The following RIMS1 variants were observed in gnomAD, a reference collection of about 807,000 sequenced individuals.
RIMS1 encodes regulating synaptic membrane exocytosis protein 1.
In RIMS1, 83 loss-of-function variants were observed where a neutral mutation model predicts 214.1. The ratio of observed to expected loss-of-function variants is 0.39; its 90% CI spans 0.32 to 0.47. RIMS1 has a LOEUF of 0.47. Among genes scored for constraint, RIMS1 ranks in the 20% least tolerant of loss-of-function variants. The pLI, the probability that RIMS1 is intolerant of heterozygous loss-of-function variation, is 0.99. For synonymous variants in RIMS1, 793 were observed against 786.8 expected, an observed-to-expected ratio of 1.01 and a Z score of -0.13; for missense variants, 2,050 against 2,161.8, an observed-to-expected ratio of 0.95 and a Z score of 1.03.
At chr6:71,954,615 A>G (rs980929275) in intron 1 of RIMS1, among the ~76,000 whole-genome samples, 4 of 152,060 alleles carry the variant, frequency 2.6e-5, no homozygotes, top group Non-Finnish European at 5.9e-5. Flanking sequence ...AGCACATTAA[A>G]TTATATTCTA....
intron 1 of RIMS1, among the ~76,000 whole-genome samples, chr6:71,964,094 C>A (rs912069432): frequency 6.6e-6 from 1 of 152,044 alleles, no homozygotes; most frequent in African/African-American, 2.4e-5. Flanking sequence ...GTGAGGGGAG[C>A]AGATTGTAGT....
chr6:72,045,573 C>T (rs985682543), intron 2 of RIMS1, among the ~76,000 whole-genome samples: 1 of 151,888 alleles, frequency 6.6e-6, no homozygotes, highest in African/African-American at 2.4e-5. Context: ...ATAAATTAAA[C>T]AAGTTTAATG....
At position 72,006,110 on chromosome 6, in the gene RIMS1, A is replaced by T. The variant is rs114787955; in HGVS notation, c.245+37047A>T. Among the ~76,000 whole-genome samples the T allele has an allele frequency of 3.8e-3, 582 of 152,224 alleles. 5 individuals carry two copies. The highest frequency in any genetic ancestry group is 0.013 in the African/African-American group (554 of 41,542). ...TGCTCTCAAGTGGTGGAGAGCAGAG[A>T]GCGGAAGCAAACTCTCATGTCCATT... On this transcript the variant is annotated intron_variant, in intron 2 of 33. Transcript: ENST00000521978.
Position 72,131,194 on chromosome 6 carries a change from G to A in RIMS1, c.471+31208G>A, listed in dbSNP as rs185440558. On this transcript the variant is annotated intron_variant, in intron 4 of 33. Coordinates refer to ENST00000521978, the MANE Select transcript of RIMS1 (RefSeq NM_014989.7). ...TCATTCTTCAACATTAAGAGAGTTAGAACTCTCCTATACTGAGCATAGTGG... is the reference window on the plus strand; with the variant it reads ...TCATTCTTCAACATTAAGAGAGTTAAAACTCTCCTATACTGAGCATAGTGG... Among the ~76,000 whole-genome samples, 56 of 152,240 alleles carry A rather than the reference G, an allele frequency of 3.7e-4. No individual in the cohort carries two copies. In the East Asian group the frequency reaches 8.3e-3, roughly 23 times the overall value.
chr6:72,311,217 A>G (rs1008047327), intron 27 of RIMS1, among the ~76,000 whole-genome samples: 3 of 152,218 alleles, frequency 2.0e-5, no homozygotes, highest in African/African-American at 7.2e-5. Flanking sequence ...ATACATTTGG[A>G]GACAATAATT....
At chr6:72,095,348 C>T (rs1236533143) in intron 2 of RIMS1, among the ~76,000 whole-genome samples, 4 of 152,116 alleles carry the variant, frequency 2.6e-5, no homozygotes, top group Non-Finnish European at 5.9e-5. Context: ...CAAGTGCCCA[C>T]AGTTGTTTTC....
At chr6:72,330,339 T>G (rs2096616990) in intron 28 of RIMS1, among the ~76,000 whole-genome samples, 2 of 151,532 alleles carry the variant, frequency 1.3e-5, no homozygotes, top group Admixed American at 1.3e-4. Flanking sequence ...GATATATAAA[T>G]AACTACTTGA....
intron 30 of RIMS1, 106 bp downstream of exon 30, chr6:72,390,842 C>A: frequency 7.2e-7 from 1 of 1,386,102 alleles, no homozygotes. Context: ...TCTATTTAAT[C>A]AGAAGTTCAA....
At chr6:72,162,077 TG>T (rs2045515607) in intron 4 of RIMS1, among the ~76,000 whole-genome samples, 1 of 140,848 alleles carries the variant, frequency 7.1e-6, no homozygotes, top group Non-Finnish European at 1.6e-5. Context: ...GCTCCTGTAT[TG>T]GGTGCACATA....
chr6:72,011,767 A>G (rs1810710326), intron 2 of RIMS1, among the ~76,000 whole-genome samples: 1 of 152,254 alleles, frequency 6.6e-6, no homozygotes, highest in South Asian at 2.1e-4. Flanking sequence ...ATGCAAATCA[A>G]AACCACAATG....
chr6:71,909,628 C>T lies in RIMS1; in HGVS notation c.164+22441C>T, dbSNP rs191276639. ...TGGCGCTGGCTTGCATTAGAAAATA[C>T]AGAGGTATACTAAAATTAACAATAA... On this transcript the variant is annotated intron_variant, in intron 1 of 33. Transcript: ENST00000521978. 2.5e-3 allele frequency among the ~76,000 whole-genome samples: 387 copies of T among 152,172 alleles called. 2 individuals carry two copies. Among genetic ancestry groups the T allele is most frequent in the African/African-American group, 8.5e-3 (355 of 41,530 alleles).
At chr6:72,316,934 T>C in intron 28 of RIMS1, 3 of 685,170 alleles carry the variant, frequency 4.4e-6, no homozygotes, top group Admixed American at 4.0e-5. Context: ...TGTCCTGCAG[T>C]AGAGTGGAGA....
intron 4 of RIMS1, among the ~76,000 whole-genome samples, chr6:72,115,470 T>C (rs2036897542): frequency 6.6e-6 from 1 of 151,974 alleles, no homozygotes; most frequent in Non-Finnish European, 1.5e-5. Context: ...GGTTTGTCAA[T>C]GCTCTGTAAG....
rs542389800 is a variant in RIMS1, at chr6:72,160,882, A to T, written c.472-18693A>T. Among the ~76,000 whole-genome samples, 18 of 140,138 alleles carry T rather than the reference A, an allele frequency of 1.3e-4. 1 individual carries two copies. Among genetic ancestry groups the T allele is most frequent in the African/African-American group, 4.4e-4 (18 of 40,622 alleles). The allele number at this position is 140,138 out of a possible 152,430, so 91.9% of individuals were successfully genotyped here. On this transcript the variant is annotated intron_variant, in intron 4 of 33. Coordinates refer to ENST00000521978, the MANE Select transcript of RIMS1 (RefSeq NM_014989.7). ...GTCTCTGCCAGGCTTTGGTATCAGG[A>T]TGATGCTGGCCTCATAAAATGAGTT...
At chr6:72,342,627 GT>G (rs1463919097) in intron 29 of RIMS1, among the ~76,000 whole-genome samples, 65 of 53,202 alleles carry the variant, frequency 1.2e-3, no homozygotes, top group African/African-American at 4.1e-3. Context: ...AGTAAGATGG[GT>G]GTGTGTGTGT....
At chr6:72,268,266 G>A (rs138339333) in intron 22 of RIMS1, among the ~76,000 whole-genome samples, 12 of 152,138 alleles carry the variant, frequency 7.9e-5, no homozygotes, top group African/African-American at 2.6e-4. Flanking sequence ...GACAGTATGC[G>A]GAGAGTATGA....
In RIMS1 at chr6:72,233,790, T is replaced by C; in HGVS notation, c.1696T>C (p.Trp566Arg). Residue 566 changes from tryptophan to arginine, a missense_variant, in exon 7 of 34, where the codon TGG becomes CGG. Physicochemically the swap from Trp to Arg is moderately radical, Grantham distance 101 (BLOSUM62 -3). Around this residue, in one of 6 missense-constraint regions of RIMS1, gnomAD observed 882 missense variants for 828.9 expected, o/e 1.06. Coordinates refer to ENST00000521978, the MANE Select transcript of RIMS1 (RefSeq NM_014989.7). ...VSEKGDLDYY[W>R]LDPATWHSRE... The stretch of plus-strand genomic sequence containing the variant: ...TTGCACAGGTGATTTGGATTATTAC[T>C]GGTTGGATCCTGCCACGTGGCACAG... 6.3e-7 allele frequency: 1 copy of C among 1,576,824 alleles called. No individual in the cohort carries two copies. The highest frequency in any genetic ancestry group is 8.6e-7 in the Non-Finnish European group (1 of 1,158,750).
intron 1 of RIMS1, among the ~76,000 whole-genome samples, chr6:71,924,174 C>T (rs1329471401): frequency 6.6e-6 from 1 of 152,022 alleles, no homozygotes; most frequent in Non-Finnish European, 1.5e-5. Flanking sequence ...TAATTGGGAC[C>T]TAGGTTAGAG....
chr6:71,911,573 A>G (rs1776945336), intron 1 of RIMS1, among the ~76,000 whole-genome samples: 1 of 152,164 alleles, frequency 6.6e-6, no homozygotes, highest in African/African-American at 2.4e-5. Context: ...AGCACTGGAA[A>G]TATAAACATT....
Sources: allele counts gnomAD v4.1 joint callset (sites outside exome capture counted in the v4.1 genomes callset), GRCh38; gene constraint gnomAD v4.1.1; regional missense constraint gnomAD v4.1.1; transcripts MANE v1.5; gene names NCBI Gene and HGNC (gene_info 2026-07-23, HGNC 2026-07-21).